The following AKAP13 variants were observed in gnomAD, a reference collection of about 807,000 sequenced individuals.
The protein encoded by AKAP13 is A-kinase anchoring protein 13.
AKAP13 carries 80 observed loss-of-function variants against 264.5 expected under a neutral mutation model. The ratio of observed to expected loss-of-function variants is 0.30; its 90% CI spans 0.25 to 0.36. AKAP13 has a LOEUF of 0.36. Among genes scored for constraint, AKAP13 ranks in the 10% least tolerant of loss-of-function variants. The pLI is 1.00. For missense variants in AKAP13, 3,712 were observed against 3,435.2 expected (o/e 1.08, Z -2.01); for synonymous variants, 1,380 against 1,250.2 (o/e 1.10, Z -2.19).
chr15:85,477,871 T>A (rs1596299702), intron 1 of AKAP13, among the ~76,000 whole-genome samples: 1 of 152,272 alleles, frequency 6.6e-6, no homozygotes, highest in Admixed American at 6.5e-5. Context: ...GGATGCCTCT[T>A]GTGACTCCTT....
intron 1 of AKAP13, among the ~76,000 whole-genome samples, chr15:85,461,119 T>C (rs761894000): frequency 6.6e-6 from 1 of 152,036 alleles, no homozygotes; most frequent in Non-Finnish European, 1.5e-5. Flanking sequence ...AATTTTATTT[T>C]ATTTTATTTT....
intron 30 of AKAP13, among the ~76,000 whole-genome samples, chr15:85,734,138 T>C (rs1420691163): frequency 1.4e-5 from 2 of 143,880 alleles, no homozygotes; most frequent in Admixed American, 1.4e-4. Flanking sequence ...CAGCTGTCTT[T>C]TGTCATTTTC....
intron 5 of AKAP13, among the ~76,000 whole-genome samples, chr15:85,570,583 C>T (rs973901490): frequency 6.6e-6 from 1 of 152,180 alleles, no homozygotes; most frequent in Non-Finnish European, 1.5e-5. Flanking sequence ...TGTTTCAGTG[C>T]GTTCAGCAGG....
intron 17 of AKAP13, among the ~76,000 whole-genome samples, chr15:85,704,514 T>C (rs1288674725): frequency 1.3e-5 from 2 of 152,226 alleles, no homozygotes; most frequent in African/African-American, 4.8e-5. Context: ...TGGGTTTAAC[T>C]TCATTTTCTT....
intron 2 of AKAP13, among the ~76,000 whole-genome samples, chr15:85,503,811 C>T (rs976999127): frequency 3.9e-5 from 6 of 152,138 alleles, no homozygotes; most frequent in Non-Finnish European, 8.8e-5. Context: ...GCAGCATGGC[C>T]GAGTAGTGAG....
intron 2 of AKAP13, among the ~76,000 whole-genome samples, chr15:85,519,126 G>A (rs930409534): frequency 1.1e-4 from 16 of 151,890 alleles, no homozygotes; most frequent in Non-Finnish European, 2.4e-4. Flanking sequence ...AGTCCAGATA[G>A]TAAATAATTT....
chr15:85,534,783 T>C (rs1464751854), intron 4 of AKAP13: 1 of 152,156 alleles, frequency 6.6e-6, no homozygotes, highest in African/African-American at 2.4e-5. Context: ...GTCCTCTTAC[T>C]CAAACAAGGG....
intron 8 of AKAP13, among the ~76,000 whole-genome samples, chr15:85,607,704 C>T (rs1392655804): frequency 3.4e-5 from 5 of 147,412 alleles, no homozygotes; most frequent in Non-Finnish European, 7.6e-5. Context: ...ACTCTTTAAA[C>T]ATATTTTTGT....
chr15:85,708,087 GTAAGACTTTCTGGC>G lies in AKAP13; in HGVS notation c.5532+5_5532+18del. On this transcript the variant is annotated splice_donor_variant and splice_donor_5th_base_variant and intron_variant, in intron 18 of 36. Coordinates refer to ENST00000394518, the MANE Select transcript of AKAP13 (RefSeq NM_007200.5). LOFTEE classifies it high-confidence loss of function. The surrounding 1 kb of genome is among the most constrained non-coding windows in gnomAD (Gnocchi z 4.3). Reference sequence around the variant, plus strand: ...CTCCTGTGCAAAGGTCAAAATGAAGGTAAGACTTTCTGGCTAAAACAAGGCTTAAAATAAAAGGG... The same window carrying G: ...CTCCTGTGCAAAGGTCAAAATGAAGGTAAAACAAGGCTTAAAATAAAAGGG... 6.2e-7 allele frequency: 1 copy of G among 1,613,550 alleles called. No homozygotes were observed. Among genetic ancestry groups the G allele is most frequent in the Non-Finnish European group, 8.5e-7 (1 of 1,179,652 alleles).
chr15:85,743,422 G>A (rs1210875100), intron 35 of AKAP13, 70 bp from the exon 36 acceptor site: 2 of 1,521,842 alleles, frequency 1.3e-6, no homozygotes, highest in Non-Finnish European at 1.8e-6. Context: ...AATTCAGCCA[G>A]GATTTATTGA....
At chr15:85,740,909 A>G in intron 34 of AKAP13, 137 bp from the exon 35 acceptor site, 1 of 1,396,464 alleles carries the variant, frequency 7.2e-7, no homozygotes, top group Non-Finnish European at 9.5e-7. Context: ...CATTTTTATG[A>G]GACGGGCTTG....
In AKAP13 at chr15:85,743,493, T is replaced by A; in HGVS notation, c.8060T>A (p.Val2687Asp). Residue 2687 changes from valine to aspartate, a missense_variant and splice_region_variant, in exon 36 of 37, where the codon GTT (valine) becomes GAT (aspartate). Transcript: ENST00000394518. ...AACCCTTCTCTTGAATATGTACAGG[T>A]TTCCCATCCACATACCAAGCTGATG... is the stretch of plus-strand genomic sequence containing the variant. Reference protein sequence around the residue: ...QRQTERDLCQVSHPHTKLMRI... With the variant: ...QRQTERDLCQDSHPHTKLMRI... The A allele has an allele frequency of 6.2e-7, 1 of 1,612,886 alleles. No individual in the cohort carries two copies. The highest frequency in any genetic ancestry group is 8.5e-7 in the Non-Finnish European group (1 of 1,179,232).
intron 1 of AKAP13, among the ~76,000 whole-genome samples, chr15:85,464,417 A>T (rs181131475): frequency 6.6e-6 from 1 of 152,208 alleles, no homozygotes; most frequent in African/African-American, 2.4e-5. Flanking sequence ...TTTCTTGTAG[A>T]ATATGGATAA....
intron 2 of AKAP13, among the ~76,000 whole-genome samples, chr15:85,501,520 G>A (rs1423794446): frequency 1.3e-5 from 2 of 152,174 alleles, no homozygotes; most frequent in Non-Finnish European, 2.9e-5. Context: ...AGTAGAGGTT[G>A]GCAGAAATGT....
At chr15:85,501,411 G>C (rs761276241) in intron 2 of AKAP13, among the ~76,000 whole-genome samples, 32 of 152,196 alleles carry the variant, frequency 2.1e-4, no homozygotes, top group Non-Finnish European at 1.0e-4. Flanking sequence ...GACAGAGATA[G>C]GTGTTTTTAA....
At chr15:85,465,765 C>G (rs372007799) in intron 1 of AKAP13, among the ~76,000 whole-genome samples, 16 of 150,844 alleles carry the variant, frequency 1.1e-4, no homozygotes, top group South Asian at 8.4e-4. Context: ...TTGGACATTT[C>G]GGTTGGTTCC....
intron 8 of AKAP13, among the ~76,000 whole-genome samples, chr15:85,600,489 C>G (rs982475263): frequency 6.6e-6 from 1 of 152,152 alleles, no homozygotes; most frequent in African/African-American, 2.4e-5. Context: ...TAGATATACA[C>G]AATTACTTGG....
At chr15:85,677,452 AATTTT>A (rs2084289662) in intron 14 of AKAP13, among the ~76,000 whole-genome samples, 1 of 152,020 alleles carries the variant, frequency 6.6e-6, no homozygotes, top group Non-Finnish European at 1.5e-5. Flanking sequence ...TGACAATGTA[AATTTT>A]ATTTTCCTTG....
intron 8 of AKAP13, among the ~76,000 whole-genome samples, chr15:85,614,653 T>C (rs1430243503): frequency 6.6e-6 from 1 of 152,242 alleles, no homozygotes; most frequent in East Asian, 1.9e-4. Context: ...TTCTCTGTTA[T>C]AGTTTCATTT....
Sources: gnomAD v4.1 joint callset for allele counts (sites outside exome capture counted in the v4.1 genomes callset) on GRCh38, gnomAD v4.1.1 for gene constraint, Gnocchi (gnomAD v3.1) non-coding constraint, MANE v1.5 for transcripts, NCBI Gene and HGNC (gene_info 2026-07-23, HGNC 2026-07-21) for gene names.